The following TTLL1 variants were observed in gnomAD, a reference collection of about 807,000 sequenced individuals.
The protein encoded by TTLL1 is polyglutamylase complex subunit TTLL1.
TTLL1 carries 33 observed loss-of-function variants against 47.8 expected under a neutral mutation model. That is an observed-to-expected ratio of 0.69 (90% CI 0.52 to 0.92). TTLL1 has a LOEUF of 0.92. Among genes scored for constraint, TTLL1 ranks in the 40% least tolerant of loss-of-function variants. The probability of loss-of-function intolerance (pLI) is 0.00; values close to 1 mark genes in which losing one functional copy is unlikely to be tolerated. For missense variants in TTLL1, 488 were observed against 547.5 expected, an observed-to-expected ratio of 0.89 and a Z score of 1.08; for synonymous variants, 225 against 214.1, an observed-to-expected ratio of 1.05 and a Z score of -0.45.
At chr22:43,062,289 A>G (rs2146973861) in intron 7 of TTLL1, among the ~76,000 whole-genome samples, 1 of 152,062 alleles carries the variant, frequency 6.6e-6, no homozygotes, top group African/African-American at 2.4e-5. Context: ...TCAAGAGATC[A>G]AGACCATTCT....
intron 10 of TTLL1, chr22:43,041,308 ATTTG>A (rs1569405475): frequency 6.6e-6 from 1 of 152,188 alleles, no homozygotes; most frequent in Non-Finnish European, 1.5e-5. Flanking sequence ...GTATGTAGGT[ATTTG>A]TGTCAAACAC....
chr22:43,075,972 G>T (rs1928457894), intron 2 of TTLL1, among the ~76,000 whole-genome samples: 1 of 152,216 alleles, frequency 6.6e-6, no homozygotes, highest in Non-Finnish European at 1.5e-5. Context: ...TGTGCCAGGA[G>T]CCACAAAGGA....
chr22:43,046,680 T>G, intron 9 of TTLL1, 107 bp from the exon 10 acceptor site: 1 of 1,340,644 alleles, frequency 7.5e-7, no homozygotes, highest in Non-Finnish European at 1.0e-6. Flanking sequence ...TAGTGAAGTT[T>G]TTTTTTGAGA....
chr22:43,072,143 A>ATTTTGT (rs1601692496), intron 3 of TTLL1, among the ~76,000 whole-genome samples: 4 of 143,652 alleles, frequency 2.8e-5, no homozygotes, highest in Admixed American at 7.0e-5. Context: ...AACCATCTTT[A>ATTTTGT]TTTTCTTTTT....
intron 3 of TTLL1, among the ~76,000 whole-genome samples, chr22:43,072,096 C>T (rs1601692448): frequency 1.3e-5 from 2 of 152,124 alleles, no homozygotes; most frequent in East Asian, 1.9e-4. Flanking sequence ...AGGACAAAGA[C>T]CTCAACTTTA....
chr22:43,046,376 A>G, intron 10 of TTLL1, 34 bp downstream of exon 10: 3 of 1,608,598 alleles, frequency 1.9e-6, no homozygotes, highest in Non-Finnish European at 2.6e-6. Flanking sequence ...TCGGAAACAC[A>G]GAAGGACAAG....
intron 8 of TTLL1, chr22:43,052,192 CG>C (rs1467538274): frequency 2.3e-5 from 9 of 392,908 alleles, no homozygotes; most frequent in Non-Finnish European, 3.4e-5. Context: ...TCAGAGTGAA[CG>C]GATGTCCAGC....
Position 43,054,086 on chromosome 22 carries a change from C to T in TTLL1, c.892-2199G>A, listed in dbSNP as rs190025266. ...GGTCCCAGTTTCACAGATGAGGCAT[C>T]TGAGGCCCAGCAAGAGTGGGCTCTT... On this transcript the variant is annotated intron_variant, in intron 8 of 10. Coordinates refer to ENST00000266254, the MANE Select transcript of TTLL1 (RefSeq NM_012263.5). Among the ~76,000 whole-genome samples the T allele has an allele frequency of 4.3e-4, 66 of 152,320 alleles. 1 individual carries two copies. Among genetic ancestry groups the T allele is most frequent in the African/African-American group, 1.5e-3 (63 of 41,576 alleles).
chr22:43,083,043 T>C (rs896952134), intron 1 of TTLL1, among the ~76,000 whole-genome samples: 7 of 149,960 alleles, frequency 4.7e-5, no homozygotes, highest in African/African-American at 1.5e-4. Flanking sequence ...ATAATAATAA[T>C]AATAAAGACC....
In TTLL1 at chr22:43,075,758, G is replaced by A. The variant is rs140209270; in HGVS notation, c.-4-168C>T. Among the ~76,000 whole-genome samples the A allele has an allele frequency of 2.0e-5, 3 of 152,330 alleles. No homozygotes were observed. The East Asian group carries it at 5.8e-4, about 29-fold the overall frequency. On this transcript the variant is annotated intron_variant, in intron 2 of 10. Coordinates refer to ENST00000266254, the MANE Select transcript of TTLL1 (RefSeq NM_012263.5). ...CAGGGGACACCTGGCAATGTCTAGA[G>A]AGTCTGGTTGTCATGACCAGGGGAT...
intron 3 of TTLL1, among the ~76,000 whole-genome samples, chr22:43,071,750 TC>T (rs1216083012): frequency 6.6e-6 from 1 of 152,188 alleles, no homozygotes; most frequent in Non-Finnish European, 1.5e-5. Context: ...GGGGCAGGGC[TC>T]AGCTGAGCAA....
chr22:43,059,301 G>A (rs1927238414), intron 8 of TTLL1, 83 bp downstream of exon 8: 2 of 1,529,218 alleles, frequency 1.3e-6, no homozygotes, highest in African/African-American at 1.4e-5. Flanking sequence ...GCTGAAAACA[G>A]GGATTTTTAA....
intron 8 of TTLL1, among the ~76,000 whole-genome samples, chr22:43,055,070 C>G (rs982769481): frequency 2.0e-5 from 3 of 151,768 alleles, no homozygotes; most frequent in Non-Finnish European, 4.4e-5. Context: ...GTCACCCAGG[C>G]TGGGGTGCAG....
intron 3 of TTLL1, among the ~76,000 whole-genome samples, chr22:43,072,752 A>G (rs762348776): frequency 6.6e-6 from 1 of 152,138 alleles, no homozygotes; most frequent in Non-Finnish European, 1.5e-5. Context: ...GATTACAGGC[A>G]TGAGTCACTG....
At chr22:43,071,098 G>T (rs76020926) in intron 3 of TTLL1, among the ~76,000 whole-genome samples, 1 of 151,948 alleles carries the variant, frequency 6.6e-6, no homozygotes. Flanking sequence ...AATTTTTTTT[G>T]TAGAGATGGG....
At chr22:43,074,427 CAAAAA>C (rs61701643) in intron 3 of TTLL1, among the ~76,000 whole-genome samples, 2 of 85,738 alleles carry the variant, frequency 2.3e-5, no homozygotes, top group Admixed American at 1.2e-4. Flanking sequence ...AATTTCGTCT[CAAAAA>C]AAAAAAAAAA....
intron 1 of TTLL1, among the ~76,000 whole-genome samples, chr22:43,086,721 A>T (rs1359031387): frequency 6.6e-6 from 1 of 152,134 alleles, no homozygotes; most frequent in East Asian, 1.9e-4. Flanking sequence ...GCTCCACTCC[A>T]GAAGATTCCA....
At chr22:43,073,692 T>G (rs1928285394) in intron 3 of TTLL1, among the ~76,000 whole-genome samples, 1 of 151,986 alleles carries the variant, frequency 6.6e-6, no homozygotes, top group Non-Finnish European at 1.5e-5. Context: ...CATAATCCAC[T>G]CAAAGTACTT....
chr22:43,063,204 C>G (rs545866200), intron 7 of TTLL1, among the ~76,000 whole-genome samples: 5 of 152,092 alleles, frequency 3.3e-5, no homozygotes, highest in Admixed American at 2.0e-4. Flanking sequence ...AATGGAGAAA[C>G]CGAGGCTCTG....
Sources: gnomAD v4.1 joint callset for allele counts (sites outside exome capture counted in the v4.1 genomes callset) on GRCh38, gnomAD v4.1.1 for gene constraint, MANE v1.5 for transcripts, NCBI Gene and HGNC (gene_info 2026-07-23, HGNC 2026-07-21) for gene names.